The following FOCAD variants were observed in gnomAD, a reference collection of about 807,000 sequenced individuals.
FOCAD encodes focadhesin.
FOCAD carries 198 observed loss-of-function variants against 225.6 expected under a neutral mutation model. The ratio of observed to expected loss-of-function variants is 0.88; its 90% confidence interval spans 0.78 to 0.99. The LOEUF (loss-of-function observed/expected upper bound fraction) is 0.99. FOCAD is among the 50% of genes least tolerant of loss of function. The pLI, the probability that FOCAD is intolerant of heterozygous loss-of-function variation, is 0.00. For synonymous variants in FOCAD, 897 were observed against 755.0 expected (o/e 1.19, Z -3.08); for missense variants, 2,713 against 2,123.6 (o/e 1.28, Z -5.46).
intron 5 of FOCAD, among the ~76,000 whole-genome samples, chr9:20,744,320 T>G (rs368853102): frequency 1.8e-4 from 28 of 152,222 alleles, no homozygotes; most frequent in African/African-American, 6.5e-4. Flanking sequence ...AGTGGTTTAC[T>G]GACCAGGCTT....
intron 35 of FOCAD, chr9:20,976,216 T>A (rs905889783): frequency 3.4e-5 from 10 of 292,790 alleles, no homozygotes; most frequent in Non-Finnish European, 6.4e-5. Context: ...TTTATAAAAA[T>A]TTTTTAAAAA....
chr9:20,902,327 G>A (rs929777694), intron 21 of FOCAD, among the ~76,000 whole-genome samples: 56 of 151,916 alleles, frequency 3.7e-4, no homozygotes, highest in African/African-American at 1.3e-3. Flanking sequence ...TCAAGGAAGA[G>A]GAAGCAGTGA....
intron 15 of FOCAD, among the ~76,000 whole-genome samples, chr9:20,843,549 T>G (rs571101851): frequency 6.6e-6 from 1 of 152,092 alleles, no homozygotes; most frequent in South Asian, 2.1e-4. Flanking sequence ...TCCTTAACCT[T>G]TAGGAGTTTG....
chr9:20,988,798 T>A (rs746424497), intron 41 of FOCAD, among the ~76,000 whole-genome samples: 59 of 152,082 alleles, frequency 3.9e-4, no homozygotes, highest in Admixed American at 6.5e-4. Context: ...CTGGGATTGA[T>A]CCCATAAAGG....
At chr9:20,949,535 C>T in intron 32 of FOCAD, 69 bp from the exon 33 acceptor site, 4 of 1,110,928 alleles carry the variant, frequency 3.6e-6, no homozygotes, top group Non-Finnish European at 5.5e-6. Flanking sequence ...ATAGCTCATG[C>T]ACCGGGAATA....
intron 35 of FOCAD, chr9:20,957,478 C>CTTTTTTTTTTGTTTTTTTTTTTTTTT (rs1838274912): frequency 1.2e-5 from 1 of 81,480 alleles, no homozygotes. Flanking sequence ...CTTTTCTTTT[C>CTTTTTTTTTTGTTTTTTTTTTTTTTT]TTTTTTTTTT....
intron 23 of FOCAD, among the ~76,000 whole-genome samples, chr9:20,916,581 G>A (rs1019735385): frequency 1.3e-5 from 2 of 152,200 alleles, no homozygotes; most frequent in African/African-American, 2.4e-5. Flanking sequence ...ATTGAAGAGA[G>A]TAATATAATG....
chr9:20,735,780 A>G (rs1299359960), intron 4 of FOCAD, among the ~76,000 whole-genome samples: 1 of 150,260 alleles, frequency 6.7e-6, no homozygotes, highest in Non-Finnish European at 1.5e-5. Context: ...GCTTCCAGCC[A>G]CCAGAGTAGC....
intron 1 of FOCAD, among the ~76,000 whole-genome samples, chr9:20,706,313 T>C (rs1427044217): frequency 6.6e-6 from 1 of 152,162 alleles, no homozygotes; most frequent in South Asian, 2.1e-4. Flanking sequence ...TTCCTGCCTT[T>C]GATCTTATTT....
At chr9:20,765,769 T>C (rs1290505010) in intron 7 of FOCAD, among the ~76,000 whole-genome samples, 1 of 152,220 alleles carries the variant, frequency 6.6e-6, no homozygotes, top group Non-Finnish European at 1.5e-5. Context: ...GTTGTGATTT[T>C]AGTGTAGTGA....
intron 1 of FOCAD, among the ~76,000 whole-genome samples, chr9:20,696,006 G>A (rs1423609645): frequency 1.3e-5 from 2 of 152,190 alleles, no homozygotes; most frequent in African/African-American, 2.4e-5. Context: ...AGTAAATTGA[G>A]CTTCCAAGAA....
chr9:20,923,764 T>G lies in FOCAD; in HGVS notation c.2957T>G (p.Leu986Arg), dbSNP rs1452925989. 6.2e-7 allele frequency: 1 copy of G among 1,611,868 alleles called. No individual in the cohort carries two copies. Among genetic ancestry groups the G allele is most frequent in the Admixed American group, 1.7e-5 (1 of 59,926 alleles). Residue 986 changes from leucine (L) to arginine (R), a missense_variant, in exon 25 of 44, where the codon CTG becomes CGG. Transcript: ENST00000338382. ...CTCTCCTCAGACTCTGACGGGCTCC[T>G]GGAGGTTAGTTGGGGTGATTTAAAC... ...ASLSSDSDGL[L>R]EVQPNFLSMK...
At chr9:20,785,444 C>T (rs1819818510) in intron 10 of FOCAD, among the ~76,000 whole-genome samples, 1 of 152,114 alleles carries the variant, frequency 6.6e-6, no homozygotes, top group African/African-American at 2.4e-5. Flanking sequence ...CCCTAATCTG[C>T]TTGTAGTCTC....
In FOCAD at chr9:20,697,746, T is replaced by G. The variant is rs187020836; in HGVS notation, c.-33+13453T>G. On this transcript the variant is annotated intron_variant, in intron 1 of 43. Transcript: ENST00000338382. ...AATTTGGAAAATTAAAAACTACTTA[T>G]ACTGTAGTTCAAGCAATTAAAAATG... Among the ~76,000 whole-genome samples the G allele has an allele frequency of 5.3e-5, 8 of 152,364 alleles. No homozygotes were observed. The East Asian group carries it at 1.5e-3, about 29-fold the overall frequency.
At chr9:20,798,532 A>G (rs1433783394) in intron 11 of FOCAD, among the ~76,000 whole-genome samples, 1 of 152,068 alleles carries the variant, frequency 6.6e-6, no homozygotes, top group Admixed American at 6.5e-5. Context: ...AGAGCCTGTT[A>G]TTGGTCTATT....
At chr9:20,962,830 G>A (rs1488129173) in intron 35 of FOCAD, among the ~76,000 whole-genome samples, 1 of 152,136 alleles carries the variant, frequency 6.6e-6, no homozygotes, top group African/African-American at 2.4e-5. Flanking sequence ...CAAATCCATT[G>A]TCCGTAAAGC....
rs573248650 is a variant in FOCAD at position 20,920,957 on chromosome 9, G to T, written c.2853-2703G>T. Among the ~76,000 whole-genome samples, 18 of 149,372 alleles carry T rather than the reference G, an allele frequency of 1.2e-4. 1 individual carries two copies. The South Asian group carries it at 3.8e-3, about 31-fold the overall frequency. On this transcript the variant is annotated intron_variant, in intron 24 of 43. Coordinates refer to ENST00000338382, the MANE Select transcript of FOCAD (RefSeq NM_001375567.1). ...GTGCACATGTACCCTAAAACTTAAA[G>T]TATAATAATAATAAAATTAAAAAAT...
At chr9:20,668,074 G>A (rs1426876746) in intron 2 of FOCAD, among the ~76,000 whole-genome samples, 3 of 152,312 alleles carry the variant, frequency 2.0e-5, no homozygotes, top group South Asian at 2.1e-4. Flanking sequence ...GTAGTTTCCT[G>A]TAAATAAATA....
At chr9:20,876,520 T>C (rs1040468997) in intron 19 of FOCAD, among the ~76,000 whole-genome samples, 2 of 152,178 alleles carry the variant, frequency 1.3e-5, no homozygotes, top group African/African-American at 2.4e-5. Context: ...CTGGATCTTC[T>C]ACATTGTTTG....
Sources: allele counts gnomAD v4.1 joint callset (sites outside exome capture counted in the v4.1 genomes callset), GRCh38; gene constraint gnomAD v4.1.1; transcripts MANE v1.5; gene names NCBI Gene and HGNC (gene_info 2026-07-23, HGNC 2026-07-21).